Variants in TASOR observed in about 807,000 individuals in gnomAD.
The protein encoded by TASOR is transcription activation suppressor.
A neutral mutation model predicts 178.6 loss-of-function variants in TASOR; 53 were observed. That is an observed-to-expected ratio of 0.30 (90% CI 0.24 to 0.37). The LOEUF is 0.37. Among genes scored for constraint, TASOR ranks in the 10% least tolerant of loss-of-function variants. The pLI is 1.00. For missense variants in TASOR, 1,815 were observed against 1,971.4 expected, an observed-to-expected ratio of 0.92 and a Z score of 1.50; for synonymous variants, 713 against 696.2, an observed-to-expected ratio of 1.02 and a Z score of -0.38.
intron 9 of TASOR, 111 bp from the exon 10 acceptor site, chr3:56,661,128 G>T: frequency 1.5e-6 from 1 of 658,456 alleles, no homozygotes; most frequent in South Asian, 2.0e-5. Context: ...GCATATCTAC[G>T]AATATCTCAC....
At chr3:56,637,579 T>C (rs2107555179) in intron 17 of TASOR, among the ~76,000 whole-genome samples, 1 of 108,246 alleles carries the variant, frequency 9.2e-6, no homozygotes, top group Admixed American at 1.1e-4. Flanking sequence ...CTGTTGTTCA[T>C]GGTTTCTTTT....
At chr3:56,647,820 T>G (rs9875257) in intron 13 of TASOR, among the ~76,000 whole-genome samples, 93,807 of 152,054 alleles carry the variant, frequency 0.62, 31,550 homozygotes, top group East Asian at 0.96. Context: ...AATTTTGAAT[T>G]GCCTAATATT....
chr3:56,682,878 G>A lies in TASOR; in HGVS notation c.129C>T (p.Gly43=). ...ELESSQQNGG[G]GGLNIAEPSG... ...TGGGCTCAGCGATGTTGAGGCCGCC[G>A]CCGCCGCCATTTTGTTGGGAGGACT... The change falls in exon 1 of 24, where the codon GGC becomes GGT. Residue 43 remains glycine (G), a synonymous_variant. Transcript: ENST00000683822. The A allele has an allele frequency of 1.3e-6, 2 of 1,539,248 alleles. No homozygotes were observed. The highest frequency in any genetic ancestry group is 2.7e-5 in the African/African-American group (2 of 72,794).
rs553055893 is a variant in TASOR, at chr3:56,622,993, T to TAAAC, written c.*40_*43dup. On this transcript the variant is annotated 3_prime_UTR_variant, in exon 24 of 24. Coordinates refer to ENST00000683822, the MANE Select transcript of TASOR (RefSeq NM_001365635.2). ...TAGAGAATGAAATATAAATTGTTAA[T>TAAAC]AAACAAAGTCCACAACAATCTCTTA... 1 of 1,261,344 alleles carries TAAAC rather than the reference T, an allele frequency of 7.9e-7. No individual in the cohort carries two copies. The highest frequency in any genetic ancestry group is 1.5e-5 in the African/African-American group (1 of 66,258). The allele number at this position is 1,261,344 out of a possible 1,614,324, so 78.1% of individuals were successfully genotyped here. A position where few individuals can be genotyped will look rare whatever the true frequency, so the allele number is the denominator to read the frequency against.
Position 56,638,757 on chromosome 3 carries a change from C to T in TASOR, c.2773G>A (p.Ala925Thr). Residue 925 changes from alanine to threonine, a missense_variant, in exon 17 of 24, where the codon GCA becomes ACA. Physicochemically the swap from Ala to Thr is moderately conservative, Grantham distance 58 (BLOSUM62 0). Transcript: ENST00000683822. The part of the protein sequence containing the change: ...WKLIPITGGN[A>T]RSPEDQLGKH... ...CCCAGCTGGTCTTCTGGGCTTCTTG[C>T]ATTCCCTCCTGAGGGAAAGCATCCA... 1.2e-6 allele frequency: 2 copies of T among 1,614,136 alleles called. No individual in the cohort carries two copies. The highest frequency in any genetic ancestry group is 1.7e-6 in the Non-Finnish European group (2 of 1,179,990).
intron 6 of TASOR, among the ~76,000 whole-genome samples, chr3:56,666,682 G>A (rs138112025): frequency 2.2e-4 from 34 of 152,056 alleles, no homozygotes; most frequent in African/African-American, 7.5e-4. Context: ...CAGAGCCTAA[G>A]CTCCCAGGTC....
chr3:56,663,427 T>C (rs1217763398), intron 8 of TASOR, 114 bp downstream of exon 8: 2 of 621,304 alleles, frequency 3.2e-6, no homozygotes, highest in Admixed American at 4.6e-5. Flanking sequence ...ACATTATAAC[T>C]TTTCATACTT....
chr3:56,676,132 TGTAA>T (rs1255616978), intron 1 of TASOR, among the ~76,000 whole-genome samples: 2 of 147,774 alleles, frequency 1.4e-5, no homozygotes, highest in Admixed American at 1.3e-4. Context: ...ACCTATTGAT[TGTAA>T]GCTCCATGAG....
chr3:56,624,558 A>T lies in TASOR; in HGVS notation c.4404T>A (p.Asn1468Lys). ...TGATTGAATTGTGATAGCCCACAAG[A>T]TTTTTAAAGTTTTGCATGAAGTCTT... is the stretch of plus-strand genomic sequence containing the variant. ...TAEDFMQNFK[N>K]LVGYHNSITE... Residue 1468 changes from asparagine to lysine, a missense_variant, in exon 23 of 24, where the codon AAT becomes AAA. Physicochemically the swap from Asn to Lys is moderately conservative, Grantham distance 94. This residue lies in a region of TASOR where 278 missense variants were observed against 257.1 expected (regional missense o/e 1.08). Transcript: ENST00000683822. 5 of 1,614,134 alleles carry T rather than the reference A, an allele frequency of 3.1e-6. No individual in the cohort carries two copies. The highest frequency in any genetic ancestry group is 4.2e-6 in the Non-Finnish European group (5 of 1,180,002).
chr3:56,625,055 G>C, intron 21 of TASOR, 49 bp from the exon 22 acceptor site: 1 of 1,554,622 alleles, frequency 6.4e-7, no homozygotes, highest in Non-Finnish European at 8.7e-7. Context: ...CTAAAATTTA[G>C]TATGGAAATT....
At position 56,629,657 on chromosome 3, in the gene TASOR, T is replaced by C. The variant is rs151275717; in HGVS notation, c.3748-1043A>G. On this transcript the variant is annotated intron_variant, in intron 18 of 23. Coordinates refer to ENST00000683822, the MANE Select transcript of TASOR (RefSeq NM_001365635.2). ...GCAGACTTTCATGCAGAGTTCCCTT[T>C]GCTCTCTGCTTGCTGGTGGAATCCT... Among the ~76,000 whole-genome samples, 376 of 152,304 alleles carry C rather than the reference T, an allele frequency of 2.5e-3. 2 individuals are homozygous for C. The highest frequency in any genetic ancestry group is 8.6e-3 in the African/African-American group (358 of 41,576).
chr3:56,682,681 T>C lies in TASOR; in HGVS notation c.326A>G (p.Lys109Arg), dbSNP rs1170568505. The C allele has an allele frequency of 1.9e-5, 28 of 1,466,818 alleles. No individual in the cohort carries two copies. The highest frequency in any genetic ancestry group is 2.5e-5 in the Non-Finnish European group (28 of 1,106,438). 90.9% of individuals were successfully genotyped at this position (1,466,818 alleles called of 1,614,324 possible). A position where few individuals can be genotyped will look rare whatever the true frequency, so the allele number is the denominator to read the frequency against. ...AGAAGAAGGGGAGGCACCACCTTTC[T>C]TTTCTCTGCTCTTCCTGGGGATCTG... ...SFQIPRKSRE[K>R]KALFQPLTPG... The change falls in exon 1 of 24, where the codon AAG (lysine) becomes AGG (arginine). Residue 109 changes from lysine (K) to arginine (R), a missense_variant. Lys to Arg is a conservative substitution (Grantham distance 26). Transcript: ENST00000683822.
chr3:56,654,231 C>T (rs941972649), intron 11 of TASOR, among the ~76,000 whole-genome samples: 8 of 151,910 alleles, frequency 5.3e-5, no homozygotes, highest in Non-Finnish European at 1.0e-4. Context: ...TGTGCCACTG[C>T]ACTCTGGCCT....
chr3:56,667,153 T>C (rs1447806734), intron 6 of TASOR, among the ~76,000 whole-genome samples: 1 of 152,168 alleles, frequency 6.6e-6, no homozygotes, highest in Non-Finnish European at 1.5e-5. Context: ...CCTACCAATA[T>C]TGCTACTGTC....
At chr3:56,643,204 A>C (rs1333533272) in intron 14 of TASOR, among the ~76,000 whole-genome samples, 1 of 149,946 alleles carries the variant, frequency 6.7e-6, no homozygotes, top group South Asian at 2.1e-4. Flanking sequence ...CAGAGGTTGC[A>C]ATGAGCCGAG....
In TASOR at chr3:56,620,147, TTTA is replaced by T. The variant is rs2076199105; in HGVS notation, c.*2887_*2889del. 2 of 245,986 alleles carry T rather than the reference TTTA, an allele frequency of 8.1e-6. No homozygotes were observed. The highest frequency in any genetic ancestry group is 5.4e-5 in the Admixed American group (1 of 18,454). 15.2% of individuals were successfully genotyped at this position (245,986 alleles called of 1,614,324 possible). On this transcript the variant is annotated 3_prime_UTR_variant, in exon 24 of 24. Coordinates refer to ENST00000683822, the MANE Select transcript of TASOR (RefSeq NM_001365635.2). ...CAGACAGTTCTAAAATTAAGACAAG[TTTA>T]TTGAGTAAAAAAATGCATACATTGG...
chr3:56,670,986 G>T (rs1358629802), intron 3 of TASOR, among the ~76,000 whole-genome samples: 4 of 131,836 alleles, frequency 3.0e-5, no homozygotes, highest in Admixed American at 7.8e-5. Flanking sequence ...CAGGCACATA[G>T]AATCAACAAT....
chr3:56,648,128 G>C (rs1379555844), intron 13 of TASOR, among the ~76,000 whole-genome samples: 1 of 151,764 alleles, frequency 6.6e-6, no homozygotes, highest in African/African-American at 2.4e-5. Flanking sequence ...GATCACTTGA[G>C]CCTAGGAGGG....
chr3:56,653,549 A>AT (rs2077404009), intron 11 of TASOR, among the ~76,000 whole-genome samples: 1 of 152,080 alleles, frequency 6.6e-6, no homozygotes, highest in African/African-American at 2.4e-5. Context: ...AATAGAAGCC[A>AT]TAAGACACTG....
Sources: gnomAD v4.1 joint callset for allele counts (sites outside exome capture counted in the v4.1 genomes callset) on GRCh38, gnomAD v4.1.1 for gene constraint, gnomAD v4.1.1 regional missense constraint, MANE v1.5 for transcripts, NCBI Gene and HGNC (gene_info 2026-07-23, HGNC 2026-07-21) for gene names.